BIRC6: variants seen among roughly 807,000 people sequenced by gnomAD.
BIRC6 encodes the protein baculoviral IAP repeat containing 6.
Under a neutral mutation model 503.3 loss-of-function variants are expected in BIRC6, and 98 were observed. That is an observed-to-expected ratio of 0.19 (90% confidence interval 0.17 to 0.23). The LOEUF is 0.23. BIRC6 is among the 10% of genes least tolerant of loss of function. The probability of loss-of-function intolerance (pLI) is 1.00; values close to 1 mark genes in which losing one functional copy is unlikely to be tolerated. For synonymous variants in BIRC6, 2,240 were observed against 2,078.7 expected (o/e 1.08, Z -2.11); for missense variants, 5,360 against 5,806.0 (o/e 0.92, Z 2.50).
chr2:32,593,609 G>C (rs1354250088), intron 66 of BIRC6, among the ~76,000 whole-genome samples: 2 of 152,100 alleles, frequency 1.3e-5, no homozygotes, highest in Admixed American at 1.3e-4. Flanking sequence ...TTTAGGTGTA[G>C]AAGTGATTTC....
intron 1 of BIRC6, among the ~76,000 whole-genome samples, chr2:32,364,471 G>A (rs1289389295): frequency 6.6e-6 from 1 of 152,126 alleles, no homozygotes; most frequent in East Asian, 1.9e-4. Context: ...TGGAATTCCT[G>A]ACCTCGTGAT....
At chr2:32,410,245 C>A (rs538427771) in intron 9 of BIRC6, among the ~76,000 whole-genome samples, 3 of 152,066 alleles carry the variant, frequency 2.0e-5, no homozygotes, top group Admixed American at 1.3e-4. Context: ...ATAAAAATAT[C>A]TCAGTTGATC....
intron 61 of BIRC6, among the ~76,000 whole-genome samples, chr2:32,540,281 C>G (rs1455843641): frequency 6.6e-6 from 1 of 151,988 alleles, no homozygotes; most frequent in Non-Finnish European, 1.5e-5. Flanking sequence ...AGTATCATGT[C>G]TTCTCAGTTT....
chr2:32,362,251 T>C (rs1216531841), intron 1 of BIRC6, among the ~76,000 whole-genome samples: 1 of 152,192 alleles, frequency 6.6e-6, no homozygotes, highest in Non-Finnish European at 1.5e-5. Context: ...AATTTCCTAA[T>C]GACATGATGT....
At chr2:32,460,457 A>G (rs532445864) in intron 23 of BIRC6, among the ~76,000 whole-genome samples, 111 of 150,760 alleles carry the variant, frequency 7.4e-4, no homozygotes, top group African/African-American at 2.6e-3. Flanking sequence ...TTGTATTTTT[A>G]GTAGAGACGG....
chr2:32,591,382 T>G lies in BIRC6; in HGVS notation c.13356-2533T>G, dbSNP rs141367370. ...CTTAATTATGGTAAAAAAATAAAAT[T>G]TATCATCCTAACCTTGTGTACTATT... On this transcript the variant is annotated intron_variant, in intron 66 of 73. Transcript: ENST00000421745. 3.8e-3 allele frequency among the ~76,000 whole-genome samples: 577 copies of G among 152,308 alleles called. 2 individuals carry two copies. Among genetic ancestry groups the G allele is most frequent in the African/African-American group, 0.013 (547 of 41,580 alleles).
intron 39 of BIRC6, among the ~76,000 whole-genome samples, chr2:32,483,392 G>A (rs1049145584): frequency 6.6e-6 from 1 of 152,096 alleles, no homozygotes; most frequent in Admixed American, 6.5e-5. Context: ...TTATTCTCTA[G>A]AACCATTTGA....
chr2:32,617,959 TG>T lies in BIRC6; in HGVS notation c.*56del. ...AAGGCTTCGAAGCACAAGCCAAATA[TG>T]TCAATATTTGTATGTAAGAAACTAA... On this transcript the variant is annotated 3_prime_UTR_variant, in exon 74 of 74. Coordinates refer to ENST00000421745, the MANE Select transcript of BIRC6 (RefSeq NM_016252.4). 1.3e-6 allele frequency: 2 copies of T among 1,503,982 alleles called. No homozygotes were observed. Among genetic ancestry groups the T allele is most frequent in the Non-Finnish European group, 1.8e-6 (2 of 1,107,050 alleles). The allele number at this position is 1,503,982 out of a possible 1,614,324, so 93.2% of individuals were successfully genotyped here.
At chr2:32,599,000 C>T (rs575556716) in intron 69 of BIRC6, among the ~76,000 whole-genome samples, 9 of 88,392 alleles carry the variant, frequency 1.0e-4, no homozygotes, top group Admixed American at 1.9e-4. Flanking sequence ...GCAGCCTGGG[C>T]GGTGGAGTGA....
intron 11 of BIRC6, among the ~76,000 whole-genome samples, chr2:32,429,676 A>G (rs2147931302): frequency 6.6e-6 from 1 of 152,174 alleles, no homozygotes; most frequent in East Asian, 1.9e-4. Flanking sequence ...AGGTTTGTTT[A>G]TATTTGTTTG....
chr2:32,472,972 T>C (rs1241471745), intron 32 of BIRC6, 140 bp from the exon 33 acceptor site: 27 of 654,426 alleles, frequency 4.1e-5, no homozygotes, highest in South Asian at 1.4e-4. Flanking sequence ...TTCTAGCAAT[T>C]TCTTTACAAT....
chr2:32,556,105 C>T (rs533260127), intron 65 of BIRC6, among the ~76,000 whole-genome samples: 1 of 152,112 alleles, frequency 6.6e-6, no homozygotes, highest in Non-Finnish European at 1.5e-5. Context: ...ATGTTGATAG[C>T]GACTCAGAGT....
rs994578793 is a variant in BIRC6 at position 32,475,947 on chromosome 2, C to T, written c.6721-266C>T. Among the ~76,000 whole-genome samples the T allele has an allele frequency of 3.3e-5, 5 of 151,504 alleles. No individual in the cohort carries two copies. In the East Asian group the frequency reaches 7.7e-4, roughly 23 times the overall value. ...TCTCTATTAAAAAATATATATCGCT[C>T]GATTATGTTAGTGGCTTATATAAGA... is the stretch of plus-strand genomic sequence containing the variant. On this transcript the variant is annotated intron_variant, in intron 33 of 73. Coordinates refer to ENST00000421745, the MANE Select transcript of BIRC6 (RefSeq NM_016252.4).
intron 9 of BIRC6, among the ~76,000 whole-genome samples, chr2:32,409,376 G>T (rs2041604178): frequency 6.6e-6 from 1 of 152,040 alleles, no homozygotes; most frequent in African/African-American, 2.4e-5. Flanking sequence ...GGCTGGTCTT[G>T]AACTCCTGAC....
intron 1 of BIRC6, among the ~76,000 whole-genome samples, chr2:32,358,368 G>A (rs2033521491): frequency 1.3e-5 from 2 of 152,232 alleles, no homozygotes; most frequent in African/African-American, 4.8e-5. Context: ...CCAGGGACGG[G>A]ACTTTCAGAT....
intron 65 of BIRC6, among the ~76,000 whole-genome samples, chr2:32,556,384 C>T (rs567747961): frequency 3.5e-4 from 53 of 152,096 alleles, no homozygotes; most frequent in Non-Finnish European, 7.1e-4. Context: ...TCTTGACTAC[C>T]CAGCGTAGTC....
At chr2:32,575,512 C>T in intron 66 of BIRC6, 146 bp downstream of exon 66, 1 of 707,822 alleles carries the variant, frequency 1.4e-6, no homozygotes, top group South Asian at 1.8e-5. Flanking sequence ...CACCTGTAAT[C>T]CCAGCACTGT....
Position 32,468,109 on chromosome 2 carries a change from C to T in BIRC6, c.5778C>T (p.Cys1926=). 1.2e-6 allele frequency: 2 copies of T among 1,613,240 alleles called. No homozygotes were observed. The highest frequency in any genetic ancestry group is 1.7e-6 in the Non-Finnish European group (2 of 1,179,474). Residue 1926 remains cysteine, a splice_region_variant and synonymous_variant, in exon 28 of 74, where the codon TGC becomes TGT. Transcript: ENST00000421745. ...TTGCTTTGCAGGAGGATATACAGTG[C>T]AGGTTAGTACAGAGTGCAAATTTTA... ...MMVALQEDIQ[C]RYNLACHRLE... is the part of the protein sequence containing the mutation.
chr2:32,571,969 T>G (rs2059944165), intron 65 of BIRC6, among the ~76,000 whole-genome samples: 1 of 152,230 alleles, frequency 6.6e-6, no homozygotes, highest in South Asian at 2.1e-4. Flanking sequence ...TGCCTTAATT[T>G]CTTTGTTGAC....
Sources: gnomAD v4.1 joint callset for allele counts (sites outside exome capture counted in the v4.1 genomes callset) on GRCh38, gnomAD v4.1.1 for gene constraint, MANE v1.5 for transcripts, NCBI Gene and HGNC (gene_info 2026-07-23, HGNC 2026-07-21) for gene names.